FASN: variants seen among roughly 807,000 people sequenced by gnomAD.
FASN encodes fatty acid synthase.
FASN carries 50 observed loss-of-function variants against 250.0 expected under a neutral mutation model. The observed-to-expected ratio is 0.20, with a 90% confidence interval of 0.16 to 0.25. The LOEUF (loss-of-function observed/expected upper bound fraction) is 0.25. Ranked by LOEUF, FASN falls within the 10% of genes least tolerant of loss-of-function variation. The pLI is 1.00. For synonymous variants in FASN, 1,909 were observed against 1,584.0 expected, an observed-to-expected ratio of 1.21 and a Z score of -4.87; for missense variants, 3,031 against 3,498.5, an observed-to-expected ratio of 0.87 and a Z score of 3.37.
Position 82,085,736 on chromosome 17 carries a change from G to A in FASN, c.3868C>T (p.His1290Tyr), listed in dbSNP as rs1449121927. ...TCCCACTGGCCCTGGGCAACGTCGT[G>A]CTGCTGCAGCTCGGCCTGGGCAGCC... ...LEAAQAELQQHDVAQGQWDPA... is the reference protein window; with the variant it reads ...LEAAQAELQQYDVAQGQWDPA... Residue 1290 changes from histidine to tyrosine, a missense_variant, in exon 23 of 43, where the codon CAC becomes TAC. His to Tyr is a moderately conservative substitution (Grantham distance 83). Transcript: ENST00000306749. 6 of 1,564,948 alleles carry A rather than the reference G, an allele frequency of 3.8e-6. No homozygotes were observed. The African/African-American group carries it at 4.1e-5, about 11-fold the overall frequency.
chr17:82,093,450 G>A (rs778539034), intron 4 of FASN, 31 bp from the exon 5 acceptor site: 71 of 1,588,832 alleles, frequency 4.5e-5, no homozygotes, highest in Non-Finnish European at 5.2e-5. Flanking sequence ...GCTCAGGTGG[G>A]GCTGTGAGCA....
In FASN at chr17:82,089,741, G is replaced by T. The variant is rs1452311632; in HGVS notation, c.1871-15C>A. ...CCAGGACAAGCCTATGGCAGAGCCA[G>T]CCTCAGAGGCTTAGCGTGGACACCG... On this transcript the variant is annotated splice_polypyrimidine_tract_variant and intron_variant, in intron 11 of 42. Coordinates refer to ENST00000306749, the MANE Select transcript of FASN (RefSeq NM_004104.5). 2 of 1,576,740 alleles carry T rather than the reference G, an allele frequency of 1.3e-6. No individual in the cohort carries two copies. The highest frequency in any genetic ancestry group is 8.6e-7 in the Non-Finnish European group (1 of 1,162,394).
Position 82,088,208 on chromosome 17 carries a change from G to A in FASN, c.2693C>T (p.Thr898Met), listed in dbSNP as rs201967800. 233 of 1,611,764 alleles carry A rather than the reference G, an allele frequency of 1.4e-4. No homozygotes were observed. Among genetic ancestry groups the A allele is most frequent in the Non-Finnish European group, 7.5e-5 (89 of 1,179,998 alleles). Residue 898 changes from threonine (T) to methionine (M), a missense_variant, in exon 17 of 43, where the codon ACG (threonine) becomes ATG (methionine). Thr to Met is a moderately conservative substitution (Grantham distance 81, BLOSUM62 -1). Coordinates refer to ENST00000306749, the MANE Select transcript of FASN (RefSeq NM_004104.5). ...ATGYLSIVWK[T>M]LARALGLGVE... The stretch of plus-strand genomic sequence containing the variant: ...GCCCAGGCCCAGGGCGCGGGCCAGC[G>A]TCTTCCACACTATGCTCAGGTAGCC...
rs1598575996 is a variant in FASN, at chr17:82,084,637, G to A, written c.4644C>T (p.Cys1548=). The A allele has an allele frequency of 6.2e-7, 1 of 1,601,068 alleles. No homozygotes were observed. The highest frequency in any genetic ancestry group is 1.7e-5 in the Admixed American group (1 of 57,864). ...RGDLSSIRWV[C]SSLRHAQPTC... ...TGGGCTGGGCATGGCGCAGCGAGGAGCAGACCCAGCGGATGGAGGACAGGT... is the reference window on the plus strand; with the variant it reads ...TGGGCTGGGCATGGCGCAGCGAGGAACAGACCCAGCGGATGGAGGACAGGT... The change falls in exon 27 of 43, where the codon TGC becomes TGT. Residue 1548 remains cysteine (C), a synonymous_variant. Transcript: ENST00000306749.
At chr17:82,097,973 C>A (rs1417301985) in intron 1 of FASN, 148 bp downstream of exon 1, 2 of 280,152 alleles carry the variant, frequency 7.1e-6, no homozygotes, top group East Asian at 1.2e-4. Context: ...ACACCGAGAC[C>A]CGGACAGGCC....
At chr17:82,092,200 C>A (rs17848926) in intron 8 of FASN, among the ~76,000 whole-genome samples, 2 of 152,134 alleles carry the variant, frequency 1.3e-5, no homozygotes, top group Non-Finnish European at 2.9e-5. Flanking sequence ...TCCTCCAGCT[C>A]GGCTCCGTGT....
At position 82,090,460 on chromosome 17, in the gene FASN, G is replaced by A. The variant is rs760239732; in HGVS notation, c.1785C>T (p.Ser595=). Residue 595 remains serine (S), a synonymous_variant, in exon 11 of 43, where the codon TCC becomes TCT. Coordinates refer to ENST00000306749, the MANE Select transcript of FASN (RefSeq NM_004104.5). ...AGGCAGCGAGGACGGCCTCCTCCTG[G>A]GACAGGCAGCCGTCGGCGTAGCCAC... is the stretch of plus-strand genomic sequence containing the variant. The part of the protein sequence containing the change: ...VACGYADGCL[S]QEEAVLAAYW... 4.4e-5 allele frequency: 70 copies of A among 1,607,150 alleles called. No individual in the cohort carries two copies. The highest frequency in any genetic ancestry group is 5.9e-5 in the Non-Finnish European group (69 of 1,177,788).
chr17:82,091,098 A>G (rs763223167), intron 9 of FASN, 29 bp from the exon 10 acceptor site: 9 of 1,607,990 alleles, frequency 5.6e-6, no homozygotes, highest in Middle Eastern at 1.8e-4. Flanking sequence ...CACGAGGCTC[A>G]GCCCCATCCC....
At chr17:82,093,474 A>G in intron 4 of FASN, 55 bp from the exon 5 acceptor site, 2 of 1,580,924 alleles carry the variant, frequency 1.3e-6, no homozygotes, top group Non-Finnish European at 8.6e-7. Flanking sequence ...GAGACCCCTG[A>G]GCACACCTCC....
chr17:82,097,505 A>C (rs1050695938), intron 1 of FASN: 25 of 152,432 alleles, frequency 1.6e-4, no homozygotes, highest in African/African-American at 5.5e-4. Context: ...TGCGATTCAC[A>C]GAGGCTTGGC....
At chr17:82,087,012 G>A (rs528871276) in intron 21 of FASN, 38 bp downstream of exon 21, 7 of 1,606,258 alleles carry the variant, frequency 4.4e-6, no homozygotes, top group East Asian at 4.5e-5. Flanking sequence ...GCTCCTCATC[G>A]CCAGAGGTGT....
At chr17:82,096,773 C>T (rs1381543887) in intron 1 of FASN, 9 of 401,534 alleles carry the variant, frequency 2.2e-5, no homozygotes, top group Admixed American at 3.6e-5. Flanking sequence ...GCGCCTGTGT[C>T]GGCTTCCACT....
rs1286971520 is a variant in FASN, at chr17:82,086,492, T to C, written c.3494A>G (p.Asp1165Gly). 6.2e-7 allele frequency: 1 copy of C among 1,612,526 alleles called. No individual in the cohort carries two copies. The highest frequency in any genetic ancestry group is 1.1e-5 in the South Asian group (1 of 91,078). Reference sequence around the variant, plus strand: ...GGGGTCCCGGGGGATCTGGGCCCCATCCAGTCCGGGCACCACCATCTTCAG... The same window carrying C: ...GGGGTCCCGGGGGATCTGGGCCCCACCCAGTCCGGGCACCACCATCTTCAG... ...QGLKMVVPGL[D>G]GAQIPRDPSQ... is the part of the protein sequence containing the mutation. The change falls in exon 22 of 43, where the codon GAT (aspartate) becomes GGT (glycine). Residue 1165 changes from aspartate to glycine, a missense_variant. Asp to Gly is a moderately conservative substitution (Grantham distance 94). Coordinates refer to ENST00000306749, the MANE Select transcript of FASN (RefSeq NM_004104.5).
At chr17:82,086,926 G>C (rs1568111005) in intron 21 of FASN, 124 bp downstream of exon 21, 2 of 1,076,180 alleles carry the variant, frequency 1.9e-6, no homozygotes, top group Non-Finnish European at 1.4e-6. Context: ...CGGCCGGAGG[G>C]TTGGGCTAGG....
intron 5 of FASN, 98 bp downstream of exon 5, chr17:82,093,121 C>T: frequency 6.4e-7 from 1 of 1,557,602 alleles, no homozygotes; most frequent in South Asian, 1.2e-5. Context: ...GGTGGGGGAT[C>T]CCCGGAGCTG....
Position 82,087,943 on chromosome 17 carries a change from G to T in FASN, c.2866+11C>A. 1 of 1,612,634 alleles carries T rather than the reference G, an allele frequency of 6.2e-7. No individual in the cohort carries two copies. The highest frequency in any genetic ancestry group is 8.5e-7 in the Non-Finnish European group (1 of 1,179,890). ...AGCCTCCGCAGCTCCCGTGCCACCG[G>T]CCCTGCTTACCACTCACTACCAGGT... On this transcript the variant is annotated intron_variant, in intron 18 of 42. Transcript: ENST00000306749.
Position 82,089,180 on chromosome 17 carries a change from A to T in FASN, c.2101-8T>A. ...CTTCGGCTCCCGGATCACCTGCATG[A>T]GGGGCCAGGTCAGTGCTGGGTTGTG... On this transcript the variant is annotated splice_region_variant and splice_polypyrimidine_tract_variant and intron_variant, in intron 13 of 42. Transcript: ENST00000306749. 1 of 1,589,378 alleles carries T rather than the reference A, an allele frequency of 6.3e-7. No homozygotes were observed. Among genetic ancestry groups the T allele is most frequent in the Non-Finnish European group, 8.6e-7 (1 of 1,168,336 alleles).
intron 9 of FASN, 73 bp downstream of exon 9, chr17:82,091,147 CAG>C: frequency 6.2e-7 from 1 of 1,602,960 alleles, no homozygotes; most frequent in African/African-American, 1.3e-5. Context: ...GAGAGCACCT[CAG>C]GGGACCACCA....
intron 10 of FASN, among the ~76,000 whole-genome samples, 155 bp from the exon 11 acceptor site, chr17:82,090,719 C>T (rs1055167914): frequency 2.6e-5 from 4 of 152,208 alleles, no homozygotes; most frequent in African/African-American, 9.6e-5. Context: ...CCACACAGCC[C>T]CACTGAGACC....
Sources: gnomAD v4.1 joint callset for allele counts (sites outside exome capture counted in the v4.1 genomes callset) on GRCh38, gnomAD v4.1.1 for gene constraint, MANE v1.5 for transcripts, NCBI Gene and HGNC (gene_info 2026-07-23, HGNC 2026-07-21) for gene names.